STX8: variants seen among roughly 807,000 people sequenced by gnomAD.
STX8 encodes the protein syntaxin 8, also known as syntaxin-8.
A neutral mutation model predicts 37.5 loss-of-function variants in STX8; 23 were observed. The ratio of observed to expected loss-of-function variants is 0.61; its 90% CI spans 0.44 to 0.87. STX8 has a LOEUF of 0.87. Among genes scored for constraint, STX8 ranks in the 40% least tolerant of loss-of-function variants. STX8 has a pLI of 0.00. For synonymous variants in STX8, 115 were observed against 99.1 expected (o/e 1.16, Z -0.95); for missense variants, 313 against 284.7 (o/e 1.10, Z -0.71).
chr17:9,334,352 C>T (rs1360046379), intron 7 of STX8, among the ~76,000 whole-genome samples: 1 of 152,106 alleles, frequency 6.6e-6, no homozygotes, highest in East Asian at 1.9e-4. Context: ...GTAGTCTAGT[C>T]CCCAGGCAAG....
At chr17:9,448,406 C>T (rs1904927759) in intron 6 of STX8, among the ~76,000 whole-genome samples, 2 of 152,198 alleles carry the variant, frequency 1.3e-5, no homozygotes, top group African/African-American at 4.8e-5. Flanking sequence ...ATACTGCAAA[C>T]AAGTGTCCTT....
At chr17:9,534,387 A>C (rs1277837460) in intron 4 of STX8, among the ~76,000 whole-genome samples, 2 of 152,216 alleles carry the variant, frequency 1.3e-5, no homozygotes, top group Non-Finnish European at 2.9e-5. Context: ...TTGGATGAGA[A>C]AATTCAACAT....
intron 4 of STX8, among the ~76,000 whole-genome samples, chr17:9,512,642 C>T (rs115800399): frequency 0.012 from 1,785 of 152,118 alleles, 34 homozygotes; most frequent in African/African-American, 0.04. Flanking sequence ...TTTGTAGAGA[C>T]GGGGTTTCAC....
intron 7 of STX8, among the ~76,000 whole-genome samples, chr17:9,267,500 C>A (rs560109039): frequency 6.6e-6 from 1 of 152,204 alleles, no homozygotes; most frequent in Non-Finnish European, 1.5e-5. Context: ...CACCACAGCA[C>A]GAGTGAGACC....
At chr17:9,527,159 C>A (rs1252169436) in intron 4 of STX8, among the ~76,000 whole-genome samples, 1 of 100,570 alleles carries the variant, frequency 9.9e-6, no homozygotes, top group East Asian at 3.2e-4. Flanking sequence ...ACAGTCCGGC[C>A]TGGGCGACAG....
chr17:9,518,956 G>A (rs2142520656), intron 4 of STX8, among the ~76,000 whole-genome samples: 1 of 151,978 alleles, frequency 6.6e-6, no homozygotes, highest in Non-Finnish European at 1.5e-5. Context: ...ACATTCCCTT[G>A]AGTCATTATG....
chr17:9,313,220 T>C (rs1018082314), intron 7 of STX8, among the ~76,000 whole-genome samples: 2 of 151,774 alleles, frequency 1.3e-5, no homozygotes, highest in African/African-American at 4.8e-5. Context: ...AAATAAGAGG[T>C]CACTGTGAAT....
intron 7 of STX8, among the ~76,000 whole-genome samples, chr17:9,278,021 T>A (rs2142147854): frequency 6.6e-6 from 1 of 152,230 alleles, no homozygotes; most frequent in African/African-American, 2.4e-5. Flanking sequence ...TGTCACAGTG[T>A]GGAGACTGGA....
intron 7 of STX8, among the ~76,000 whole-genome samples, chr17:9,359,784 AG>A (rs1166510410): frequency 1.3e-5 from 2 of 152,144 alleles, no homozygotes; most frequent in Non-Finnish European, 2.9e-5. Context: ...CTGGGATTAC[AG>A]GTGTGAGCCA....
intron 6 of STX8, among the ~76,000 whole-genome samples, chr17:9,405,864 C>T (rs1206150998): frequency 2.6e-5 from 4 of 152,218 alleles, no homozygotes. Context: ...CCATCCGTTA[C>T]TGGCATTAAA....
intron 7 of STX8, among the ~76,000 whole-genome samples, chr17:9,349,558 G>A (rs1456220419): frequency 6.6e-6 from 1 of 152,002 alleles, no homozygotes; most frequent in Non-Finnish European, 1.5e-5. Context: ...CTCACTTAAG[G>A]CGATCCACCC....
chr17:9,512,049 T>A (rs886412524), intron 4 of STX8, among the ~76,000 whole-genome samples: 1 of 151,918 alleles, frequency 6.6e-6, no homozygotes, highest in African/African-American at 2.4e-5. Context: ...GTGAAAGATC[T>A]CTAAAAGAAA....
chr17:9,330,864 G>A (rs985134824), intron 7 of STX8, among the ~76,000 whole-genome samples: 3 of 152,106 alleles, frequency 2.0e-5, no homozygotes, highest in South Asian at 2.1e-4. Flanking sequence ...GACAGATCCC[G>A]CTTACATCTT....
rs1433792481 is a variant in STX8, at chr17:9,545,267, C to A, written c.228G>T (p.Gly76=). The change falls in exon 4 of 8, where the codon GGG becomes GGT. Residue 76 remains glycine (G), a synonymous_variant. Transcript: ENST00000306357. ...CATCCAAGAGGTTCTGTCTTCGGTC[C>A]CCTTCAAGCTGTGTTCTGCAGATAT... is the stretch of plus-strand genomic sequence containing the variant. ...VSTHQITQLE[G]DRRQNLLDDL... The A allele has an allele frequency of 6.2e-7, 1 of 1,613,648 alleles. No homozygotes were observed. The highest frequency in any genetic ancestry group is 1.3e-5 in the African/African-American group (1 of 75,006).
At chr17:9,404,328 T>C (rs1424316864) in intron 6 of STX8, among the ~76,000 whole-genome samples, 4 of 152,184 alleles carry the variant, frequency 2.6e-5, no homozygotes, top group South Asian at 2.1e-4. Context: ...TACACTGTAA[T>C]TTGCCTGACT....
intron 6 of STX8, among the ~76,000 whole-genome samples, chr17:9,426,055 G>A (rs1913616687): frequency 1.0e-5 from 1 of 99,344 alleles, no homozygotes; most frequent in African/African-American, 6.3e-5. Flanking sequence ...TTAGAACCTA[G>A]ACAATCTGTC....
chr17:9,253,937 G>A lies in STX8; in HGVS notation c.644-3292C>T, dbSNP rs142079723. Among the ~76,000 whole-genome samples, 588 of 152,304 alleles carry A rather than the reference G, an allele frequency of 3.9e-3. 3 individuals carry two copies. Among genetic ancestry groups the A allele is most frequent in the Middle Eastern group, 6.8e-3 (2 of 294 alleles). On this transcript the variant is annotated intron_variant, in intron 7 of 7. Transcript: ENST00000306357. ...ACCCGGAGCGTGAGGTCCAAGGGAA[G>A]AGGCCTCAAGGCATGCGCAGTCACT...
chr17:9,487,767 C>T (rs774160785), intron 6 of STX8, among the ~76,000 whole-genome samples: 4 of 152,120 alleles, frequency 2.6e-5, no homozygotes, highest in South Asian at 2.1e-4. Flanking sequence ...GCAAAATGTG[C>T]GAGTCGAAGG....
intron 7 of STX8, among the ~76,000 whole-genome samples, chr17:9,339,578 C>G (rs1171387616): frequency 6.6e-6 from 1 of 152,040 alleles, no homozygotes; most frequent in Admixed American, 6.6e-5. Context: ...TCCTTGAACC[C>G]AGGAGGTGGA....
Sources: gnomAD v4.1 joint callset for allele counts (sites outside exome capture counted in the v4.1 genomes callset) on GRCh38, gnomAD v4.1.1 for gene constraint, MANE v1.5 for transcripts, NCBI Gene and HGNC (gene_info 2026-07-23, HGNC 2026-07-21) for gene names.